Variants in ELP1 observed in about 807,000 individuals in gnomAD.
The protein encoded by ELP1 is elongator complex protein 1.
In ELP1, 131 loss-of-function variants were observed where a neutral mutation model predicts 183.2. The observed-to-expected ratio is 0.72, with a 90% CI of 0.62 to 0.83. The LOEUF (loss-of-function observed/expected upper bound fraction) is 0.83, where lower values mean the gene tolerates loss of function less well. ELP1 is among the 40% of genes least tolerant of loss of function. ELP1 has a pLI of 0.00. For synonymous variants in ELP1, 555 were observed against 569.0 expected, an observed-to-expected ratio of 0.98 and a Z score of 0.35; for missense variants, 1,550 against 1,594.9, an observed-to-expected ratio of 0.97 and a Z score of 0.48.
chr9:108,894,100 G>A, intron 25 of ELP1, 34 bp from the exon 26 acceptor site: 1 of 1,282,026 alleles, frequency 7.8e-7, no homozygotes, highest in Non-Finnish European at 1.1e-6. Flanking sequence ...TTTATTACTT[G>A]TGATATTCAT....
chr9:108,883,998 T>C (rs1828028151), intron 29 of ELP1, among the ~76,000 whole-genome samples: 1 of 150,712 alleles, frequency 6.6e-6, no homozygotes, highest in East Asian at 1.9e-4. Flanking sequence ...TCAAATTAGA[T>C]TTAAAAAAAA....
chr9:108,875,503 ACT>A, intron 35 of ELP1: 1 of 257,322 alleles, frequency 3.9e-6, no homozygotes, highest in African/African-American at 2.3e-5. Context: ...TTGGTGGCAC[ACT>A]CTCAAGAGCA....
At chr9:108,888,971 A>G (rs902498684) in intron 29 of ELP1, among the ~76,000 whole-genome samples, 1 of 152,232 alleles carries the variant, frequency 6.6e-6, no homozygotes, top group Non-Finnish European at 1.5e-5. Flanking sequence ...ATGAGAGTAA[A>G]AGCCAAGAGT....
intron 36 of ELP1, among the ~76,000 whole-genome samples, chr9:108,872,172 A>G (rs193000018): frequency 4.5e-4 from 68 of 152,356 alleles, no homozygotes; most frequent in South Asian, 1.2e-3. Context: ...TTTCGCTGCC[A>G]TATGCAATTA....
chr9:108,912,559 AG>A (rs1428445413), intron 10 of ELP1, 65 bp from the exon 11 acceptor site: 1 of 1,080,756 alleles, frequency 9.3e-7, no homozygotes, highest in African/African-American at 1.5e-5. Flanking sequence ...CACTTGCCAG[AG>A]GGGTTCAAGG....
chr9:108,896,381 A>T (rs993921363), intron 25 of ELP1, 115 bp downstream of exon 25: 31 of 925,750 alleles, frequency 3.3e-5, no homozygotes, highest in Admixed American at 1.8e-5. Flanking sequence ...ATCTGTCTCC[A>T]GCCCTGCACT....
chr9:108,917,519 C>T (rs374859257), intron 9 of ELP1, 28 bp downstream of exon 9: 79 of 1,608,206 alleles, frequency 4.9e-5, no homozygotes, highest in South Asian at 1.3e-4. Flanking sequence ...CCTCTACATT[C>T]GAGGGTGAAA....
In ELP1 at chr9:108,889,404, A is replaced by T. The variant is rs1035726582; in HGVS notation, c.3161-11T>A. The stretch of plus-strand genomic sequence containing the variant: ...GCTCAACCAGCTTTCCTGTAGAGAC[A>T]ATAAGCAGCAGTTGACTACAAAGTT... On this transcript the variant is annotated splice_polypyrimidine_tract_variant and intron_variant, in intron 28 of 36. Coordinates refer to ENST00000374647, the MANE Select transcript of ELP1 (RefSeq NM_003640.5). 6.2e-7 allele frequency: 1 copy of T among 1,613,768 alleles called. No homozygotes were observed. The highest frequency in any genetic ancestry group is 8.5e-7 in the Non-Finnish European group (1 of 1,179,658).
chr9:108,917,207 C>T (rs1829469500), intron 9 of ELP1, among the ~76,000 whole-genome samples: 1 of 152,196 alleles, frequency 6.6e-6, no homozygotes. Context: ...GTGGCTCACG[C>T]CTGTAATCCC....
chr9:108,874,076 C>T (rs1302290694), intron 36 of ELP1, among the ~76,000 whole-genome samples: 1 of 152,154 alleles, frequency 6.6e-6, no homozygotes, highest in African/African-American at 2.4e-5. Context: ...CCACAGGCTA[C>T]TTCAAATGTC....
chr9:108,885,873 G>A (rs1040065335), intron 29 of ELP1, among the ~76,000 whole-genome samples: 1 of 152,122 alleles, frequency 6.6e-6, no homozygotes, highest in Non-Finnish European at 1.5e-5. Flanking sequence ...GGGTATGGGT[G>A]CAAAGGAAGG....
Position 108,896,491 on chromosome 9 carries a change from C to T in ELP1, c.2736+5G>A, listed in dbSNP as rs766730961. 1 of 1,613,990 alleles carries T rather than the reference C, an allele frequency of 6.2e-7. No homozygotes were observed. Among genetic ancestry groups the T allele is most frequent in the South Asian group, 1.1e-5 (1 of 91,082 alleles). The stretch of plus-strand genomic sequence containing the variant: ...AAATGGCATAAAAGTAAGAACTCCA[C>T]ATACCTTCTGTGACTTCTCAGCTAC... On this transcript the variant is annotated splice_donor_5th_base_variant and intron_variant, in intron 25 of 36. Coordinates refer to ENST00000374647, the MANE Select transcript of ELP1 (RefSeq NM_003640.5).
intron 10 of ELP1, among the ~76,000 whole-genome samples, chr9:108,914,982 C>T (rs562821867): frequency 6.6e-6 from 1 of 152,256 alleles, no homozygotes; most frequent in African/African-American, 2.4e-5. Flanking sequence ...GAGATATATA[C>T]ATGAAAAACC....
chr9:108,915,518 T>A (rs925339537), intron 10 of ELP1, among the ~76,000 whole-genome samples: 2 of 152,094 alleles, frequency 1.3e-5, no homozygotes, highest in African/African-American at 2.4e-5. Context: ...CCCTACAGAT[T>A]TCATACTCAA....
intron 6 of ELP1, among the ~76,000 whole-genome samples, chr9:108,920,209 T>C (rs1038420275): frequency 3.3e-5 from 5 of 152,046 alleles, no homozygotes; most frequent in Non-Finnish European, 7.4e-5. Context: ...TAGAAATTTC[T>C]ACATATAATT....
At chr9:108,888,995 T>C (rs1040393252) in intron 29 of ELP1, among the ~76,000 whole-genome samples, 3 of 152,210 alleles carry the variant, frequency 2.0e-5, no homozygotes, top group African/African-American at 7.2e-5. Flanking sequence ...TAGCCTTCAA[T>C]GATCCTGTTT....
intron 10 of ELP1, among the ~76,000 whole-genome samples, chr9:108,913,907 G>A (rs150134211): frequency 0.016 from 2,401 of 152,222 alleles, 31 homozygotes; most frequent in Non-Finnish European, 0.025. Flanking sequence ...CTGGTTAATC[G>A]GTGGTTCTCA....
At chr9:108,926,921 G>A (rs1385105672) in intron 4 of ELP1, among the ~76,000 whole-genome samples, 1 of 152,066 alleles carries the variant, frequency 6.6e-6, no homozygotes, top group Non-Finnish European at 1.5e-5. Flanking sequence ...CAGTGGAGCT[G>A]GTTTACTAAA....
chr9:108,919,820 G>A (rs1186885747), intron 6 of ELP1, among the ~76,000 whole-genome samples: 1 of 152,130 alleles, frequency 6.6e-6, no homozygotes, highest in African/African-American at 2.4e-5. Context: ...AGACAATGAC[G>A]AAAACATGGA....
Sources: allele counts gnomAD v4.1 joint callset (sites outside exome capture counted in the v4.1 genomes callset), GRCh38; gene constraint gnomAD v4.1.1; transcripts MANE v1.5; gene names NCBI Gene and HGNC (gene_info 2026-07-23, HGNC 2026-07-21).